AFF3: variants seen among roughly 807,000 people sequenced by gnomAD.
The protein encoded by AFF3 is AF4/FMR2 family member 3.
A neutral mutation model predicts 129.7 loss-of-function variants in AFF3; 32 were observed. That is an observed-to-expected ratio of 0.25 (90% confidence interval 0.19 to 0.33). AFF3 has a LOEUF of 0.33. Ranked by LOEUF, AFF3 falls within the 10% of genes least tolerant of loss-of-function variation. The pLI is 1.00. For synonymous variants in AFF3, 644 were observed against 635.4 expected (o/e 1.01, Z -0.20); for missense variants, 1,373 against 1,592.0 (o/e 0.86, Z 2.34).
At chr2:99,594,655 A>G (rs1179245089) in intron 14 of AFF3, among the ~76,000 whole-genome samples, 1 of 152,220 alleles carries the variant, frequency 6.6e-6, no homozygotes, top group African/African-American at 2.4e-5. Flanking sequence ...CAAAACTCAG[A>G]GAATTGTTTA....
chr2:99,881,081 G>A (rs1311226470), intron 7 of AFF3, among the ~76,000 whole-genome samples: 2 of 151,972 alleles, frequency 1.3e-5, no homozygotes, highest in Non-Finnish European at 2.9e-5. Context: ...ATATAAACAC[G>A]GCTATTTAGA....
intron 4 of AFF3, among the ~76,000 whole-genome samples, chr2:100,069,973 C>T (rs908093627): frequency 6.6e-6 from 1 of 152,172 alleles, no homozygotes; most frequent in Non-Finnish European, 1.5e-5. Flanking sequence ...CCTTTAAAAT[C>T]CTGCAAGGTA....
chr2:99,934,199 G>T (rs1452976034), intron 7 of AFF3, among the ~76,000 whole-genome samples: 1 of 152,136 alleles, frequency 6.6e-6, no homozygotes, highest in African/African-American at 2.4e-5. Context: ...GTGCCTGGTG[G>T]GAGTAGGATC....
At chr2:99,754,995 ATTTC>A (rs1404421747) in intron 8 of AFF3, among the ~76,000 whole-genome samples, 1 of 151,610 alleles carries the variant, frequency 6.6e-6, no homozygotes, top group Non-Finnish European at 1.5e-5. Flanking sequence ...CAATCTTTCC[ATTTC>A]TTTCTTTCTT....
intron 17 of AFF3, among the ~76,000 whole-genome samples, chr2:99,580,617 G>A (rs138509343): frequency 2.6e-4 from 39 of 152,312 alleles, no homozygotes; most frequent in African/African-American, 8.7e-4. Flanking sequence ...CGCAGAGGCC[G>A]GGCGCGGTGG....
chr2:100,138,577 G>T (rs76545928), intron 1 of AFF3, among the ~76,000 whole-genome samples: 4 of 152,176 alleles, frequency 2.6e-5, no homozygotes, highest in Non-Finnish European at 4.4e-5. Context: ...GAAAAAGGGA[G>T]CTCATACCAC....
chr2:99,649,126 C>T (rs114517184), intron 13 of AFF3, among the ~76,000 whole-genome samples: 2,320 of 152,018 alleles, frequency 0.015, 54 homozygotes, highest in African/African-American at 0.052. Context: ...TTCAGTAACA[C>T]GCGCCAGGAG....
intron 7 of AFF3, among the ~76,000 whole-genome samples, chr2:99,852,861 G>A (rs1690250684): frequency 6.6e-6 from 1 of 152,130 alleles, no homozygotes; most frequent in South Asian, 2.1e-4. Flanking sequence ...CATAATAGGT[G>A]TAAAAGACAA....
At chr2:99,621,016 T>C (rs1196832160) in intron 13 of AFF3, among the ~76,000 whole-genome samples, 1 of 152,220 alleles carries the variant, frequency 6.6e-6, no homozygotes, top group Non-Finnish European at 1.5e-5. Flanking sequence ...TCTTTATAAA[T>C]TACCTGGCCT....
At chr2:99,852,621 A>AG (rs1206441242) in intron 7 of AFF3, among the ~76,000 whole-genome samples, 6 of 152,340 alleles carry the variant, frequency 3.9e-5, no homozygotes, top group Non-Finnish European at 2.9e-5. Flanking sequence ...CAAAACCCGT[A>AG]GGGCCTACCT....
At chr2:99,926,626 G>A (rs1407103342) in intron 7 of AFF3, among the ~76,000 whole-genome samples, 2 of 152,136 alleles carry the variant, frequency 1.3e-5, no homozygotes, top group African/African-American at 4.8e-5. Context: ...CATACTCTGA[G>A]TATGAGTCTA....
intron 10 of AFF3, among the ~76,000 whole-genome samples, chr2:99,732,678 A>T (rs527717718): frequency 6.6e-6 from 1 of 152,194 alleles, no homozygotes; most frequent in Non-Finnish European, 1.5e-5. Context: ...GCCATCATGA[A>T]CAATAGAACT....
At chr2:99,772,919 T>C (rs879739250) in intron 8 of AFF3, among the ~76,000 whole-genome samples, 9 of 152,224 alleles carry the variant, frequency 5.9e-5, no homozygotes, top group Admixed American at 5.9e-4. Context: ...TTCTCAGCCT[T>C]GTCTCAGGCC....
chr2:99,933,950 C>T (rs2106313437), intron 7 of AFF3, among the ~76,000 whole-genome samples: 1 of 152,290 alleles, frequency 6.6e-6, no homozygotes, highest in South Asian at 2.1e-4. Context: ...AGCACCACGA[C>T]CATCCCTGGG....
intron 8 of AFF3, among the ~76,000 whole-genome samples, chr2:99,764,416 G>C (rs1485349181): frequency 6.6e-6 from 1 of 152,012 alleles, no homozygotes; most frequent in African/African-American, 2.4e-5. Context: ...GAGAATTCTT[G>C]TTCTCGTTTT....
chr2:100,092,700 CTTTCCTTACA>C (rs1467907306), intron 4 of AFF3, among the ~76,000 whole-genome samples: 1 of 152,088 alleles, frequency 6.6e-6, no homozygotes, highest in African/African-American at 2.4e-5. Flanking sequence ...ACCTCTTTGC[CTTTCCTTACA>C]TTATCGTACC....
Position 99,594,029 on chromosome 2 carries a change from G to C in AFF3, c.1632C>G (p.Gly544=), listed in dbSNP as rs753346618. The C allele has an allele frequency of 6.3e-7, 1 of 1,599,096 alleles. No homozygotes were observed. The highest frequency in any genetic ancestry group is 8.5e-7 in the Non-Finnish European group (1 of 1,171,450). Residue 544 remains glycine (G), a synonymous_variant, in exon 15 of 25, where the codon GGC becomes GGG. Coordinates refer to ENST00000672756, the MANE Select transcript of AFF3 (RefSeq NM_001386135.1). ...RTANKAPGSK[G]VKQKSPPAAV... is the part of the protein sequence containing the mutation. ...CCGCGGGCGGGGACTTCTGCTTCAC[G>C]CCTTTACTCCCAGGGGCCTTGTTGG... is the stretch of plus-strand genomic sequence containing the variant.
chr2:100,106,024 C>T, intron 2 of AFF3: 1 of 1,320,758 alleles, frequency 7.6e-7, no homozygotes, highest in Non-Finnish European at 1.0e-6. Flanking sequence ...AAGAGTCATC[C>T]TCTCACCTCA....
intron 7 of AFF3, among the ~76,000 whole-genome samples, chr2:100,001,115 C>T (rs897449205): frequency 6.6e-6 from 1 of 152,160 alleles, no homozygotes; most frequent in Non-Finnish European, 1.5e-5. Context: ...CAGACGCATT[C>T]CGGGGGAGAA....
Sources: allele counts gnomAD v4.1 joint callset (sites outside exome capture counted in the v4.1 genomes callset), GRCh38; gene constraint gnomAD v4.1.1; transcripts MANE v1.5; gene names NCBI Gene and HGNC (gene_info 2026-07-23, HGNC 2026-07-21).